The following ARHGAP42 variants were observed in gnomAD, a reference collection of about 807,000 sequenced individuals.
ARHGAP42 encodes the protein Rho GTPase activating protein 42.
ARHGAP42 carries 63 observed loss-of-function variants against 125.0 expected under a neutral mutation model. That is an observed-to-expected ratio of 0.50 (90% CI 0.41 to 0.62). ARHGAP42 has a LOEUF of 0.62. ARHGAP42 is among the 20% of genes least tolerant of loss of function. The probability of loss-of-function intolerance (pLI) is 0.00; values close to 1 mark genes in which losing one functional copy is unlikely to be tolerated. For missense variants in ARHGAP42, 766 were observed against 1,024.2 expected, an observed-to-expected ratio of 0.75 and a Z score of 3.44; for synonymous variants, 339 against 351.0, an observed-to-expected ratio of 0.97 and a Z score of 0.38.
chr11:100,862,405 A>G (rs1019460280), intron 4 of ARHGAP42, among the ~76,000 whole-genome samples: 1 of 150,490 alleles, frequency 6.6e-6, no homozygotes, highest in African/African-American at 2.5e-5. Flanking sequence ...AGTAAGTTTC[A>G]TCTGTTTGGG....
chr11:100,707,204 T>A (rs1439715178), intron 1 of ARHGAP42, among the ~76,000 whole-genome samples: 2 of 152,240 alleles, frequency 1.3e-5, no homozygotes, highest in East Asian at 3.8e-4. Flanking sequence ...ATAATGTTGC[T>A]GTGAACATTC....
At chr11:100,763,780 G>A (rs535837271) in intron 1 of ARHGAP42, among the ~76,000 whole-genome samples, 9 of 152,150 alleles carry the variant, frequency 5.9e-5, no homozygotes, top group Non-Finnish European at 1.2e-4. Context: ...GTGAGCCACC[G>A]TGCCCGGCTC....
chr11:100,715,265 G>T (rs1861639755), intron 1 of ARHGAP42, among the ~76,000 whole-genome samples: 1 of 151,924 alleles, frequency 6.6e-6, no homozygotes, highest in South Asian at 2.1e-4. Context: ...TTCATTTCCT[G>T]TTCTAGTTAA....
intron 3 of ARHGAP42, among the ~76,000 whole-genome samples, chr11:100,812,811 G>A (rs557334563): frequency 6.6e-6 from 1 of 152,122 alleles, no homozygotes; most frequent in Non-Finnish European, 1.5e-5. Flanking sequence ...TTGGGCGGGG[G>A]GATTATGAAG....
At position 100,687,566 on chromosome 11, in the gene ARHGAP42, C is replaced by T; in HGVS notation, c.-113C>T. 2 of 850,460 alleles carry T rather than the reference C, an allele frequency of 2.4e-6. No individual in the cohort carries two copies. Among genetic ancestry groups the T allele is most frequent in the Admixed American group, 4.9e-5 (1 of 20,272 alleles). 52.7% of individuals were successfully genotyped at this position (850,460 alleles called of 1,614,324 possible). ...TCCGCGCAATCAGTCCCCTCGCGTC[C>T]CGGCGCCTTCCCCGCGATCGCGCGA... On this transcript the variant is annotated 5_prime_UTR_variant, in exon 1 of 24. Coordinates refer to ENST00000298815, the MANE Select transcript of ARHGAP42 (RefSeq NM_152432.4).
At chr11:100,762,652 T>G (rs189789507) in intron 1 of ARHGAP42, among the ~76,000 whole-genome samples, 4 of 152,322 alleles carry the variant, frequency 2.6e-5, no homozygotes, top group African/African-American at 9.6e-5. Context: ...TTTAAAACTT[T>G]GTTCAAGTAA....
chr11:100,794,075 C>CAAAAAAAAA lies in ARHGAP42; in HGVS notation c.251-1001_251-993dup, dbSNP rs869272420. Reference sequence around the variant, plus strand: ...CGAACAACAGAGCTAGACCCTGTCTCAAAAAAAAAAAAAAAAAAAAAAAAA... The same window carrying CAAAAAAAAA: ...CGAACAACAGAGCTAGACCCTGTCTCAAAAAAAAAAAAAAAAAAAAAAAAAAAAAAAAAA... On this transcript the variant is annotated intron_variant, in intron 2 of 23. Transcript: ENST00000298815. Among the ~76,000 whole-genome samples, 23 of 44,844 alleles carry CAAAAAAAAA rather than the reference C, an allele frequency of 5.1e-4. 2 individuals carry two copies. Among genetic ancestry groups the CAAAAAAAAA allele is most frequent in the Admixed American group, 6.7e-4 (2 of 2,998 alleles). 29.4% of individuals were successfully genotyped at this position (44,844 alleles called of 152,430 possible). A position where few individuals can be genotyped will look rare whatever the true frequency, so the allele number is the denominator to read the frequency against.
At chr11:100,862,604 G>A (rs1480169870) in intron 4 of ARHGAP42, among the ~76,000 whole-genome samples, 1 of 152,170 alleles carries the variant, frequency 6.6e-6, no homozygotes, top group Admixed American at 6.5e-5. Context: ...CCGGTCTTGA[G>A]CATTAATATT....
chr11:100,898,914 G>T (rs1195265482), intron 4 of ARHGAP42, among the ~76,000 whole-genome samples: 1 of 151,992 alleles, frequency 6.6e-6, no homozygotes, highest in East Asian at 1.9e-4. Context: ...TCCTTCTCTA[G>T]TTCTTTTAAT....
intron 23 of ARHGAP42, 43 bp downstream of exon 23, chr11:100,987,635 G>T: frequency 6.7e-7 from 1 of 1,498,368 alleles, no homozygotes; most frequent in South Asian, 1.2e-5. Flanking sequence ...TCATCATGGG[G>T]AGGATGAAGG....
intron 5 of ARHGAP42, among the ~76,000 whole-genome samples, chr11:100,918,788 A>G (rs143566303): frequency 1.7e-3 from 253 of 152,288 alleles, no homozygotes; most frequent in African/African-American, 5.7e-3. Flanking sequence ...ATTGGAGGCT[A>G]TGAAAACACC....
At chr11:100,688,618 C>CT (rs1460973069) in intron 1 of ARHGAP42, among the ~76,000 whole-genome samples, 1 of 152,102 alleles carries the variant, frequency 6.6e-6, no homozygotes, top group Admixed American at 6.5e-5. Context: ...TTCCTAAGAC[C>CT]TAAGAGTATC....
chr11:100,844,001 A>C (rs2135116822), intron 3 of ARHGAP42, among the ~76,000 whole-genome samples: 1 of 152,336 alleles, frequency 6.6e-6, no homozygotes, highest in South Asian at 2.1e-4. Context: ...AGCAAGACTA[A>C]GCAAAAATAA....
In ARHGAP42 at chr11:100,959,897, G is replaced by T; in HGVS notation, c.1177G>T (p.Ala393Ser). 1 of 1,551,402 alleles carries T rather than the reference G, an allele frequency of 6.4e-7. No individual in the cohort carries two copies. Among genetic ancestry groups the T allele is most frequent in the South Asian group, 1.2e-5 (1 of 84,054 alleles). Reference sequence around the variant, plus strand: ...CTTATTTTCAGTGTATTTGAATGAAGCAGGGTTCAACTTTGTGAGAAAATG... The same window carrying T: ...CTTATTTTCAGTGTATTTGAATGAATCAGGGTTCAACTTTGTGAGAAAATG... ...SKKEEMYLNE[A>S]GFNFVRKCIQ... Residue 393 changes from alanine to serine, a missense_variant, in exon 13 of 24, where the codon GCA becomes TCA. Physicochemically the swap from Ala to Ser is moderately conservative, Grantham distance 99. This residue lies in a region of ARHGAP42 where 455 missense variants were observed against 636.5 expected (regional missense o/e 0.71). Transcript: ENST00000298815.
chr11:100,907,412 G>A (rs958103525), intron 4 of ARHGAP42, among the ~76,000 whole-genome samples: 1 of 152,144 alleles, frequency 6.6e-6, no homozygotes, highest in Non-Finnish European at 1.5e-5. Context: ...GGTGGTGGTG[G>A]CAATGATGTA....
chr11:100,760,634 G>T (rs1425915087), intron 1 of ARHGAP42, among the ~76,000 whole-genome samples: 1 of 152,006 alleles, frequency 6.6e-6, no homozygotes, highest in Non-Finnish European at 1.5e-5. Flanking sequence ...CCAGGAGGCG[G>T]AGGTTGCAGT....
At chr11:100,936,978 A>G (rs1867754463) in intron 8 of ARHGAP42, among the ~76,000 whole-genome samples, 1 of 152,226 alleles carries the variant, frequency 6.6e-6, no homozygotes, top group African/African-American at 2.4e-5. Flanking sequence ...GATATGCCCT[A>G]AGGCATCATT....
intron 1 of ARHGAP42, among the ~76,000 whole-genome samples, chr11:100,696,831 T>C (rs1468820668): frequency 2.6e-5 from 4 of 152,142 alleles, no homozygotes; most frequent in African/African-American, 9.7e-5. Flanking sequence ...AACATGCCAC[T>C]GCACTTACCT....
In ARHGAP42 at chr11:100,948,328, A is replaced by G. The variant is rs1260172005; in HGVS notation, c.1044-129A>G. On this transcript the variant is annotated intron_variant, in intron 10 of 23. Coordinates refer to ENST00000298815, the MANE Select transcript of ARHGAP42 (RefSeq NM_152432.4). ...CTTTTTCTTTTTTAGAAAAATTCCT[A>G]TGTTTTTCTCCTCTGTCTTCATTTC... 3.5e-5 allele frequency: 24 copies of G among 676,328 alleles called. No individual in the cohort carries two copies. The South Asian group carries it at 4.7e-4, about 13-fold the overall frequency. 41.9% of individuals were successfully genotyped at this position (676,328 alleles called of 1,614,324 possible).
Sources: allele counts gnomAD v4.1 joint callset (sites outside exome capture counted in the v4.1 genomes callset), GRCh38; gene constraint gnomAD v4.1.1; regional missense constraint gnomAD v4.1.1; transcripts MANE v1.5; gene names NCBI Gene and HGNC (gene_info 2026-07-23, HGNC 2026-07-21).